Variants in EIF4E3 observed in about 807,000 individuals in gnomAD.
The protein encoded by EIF4E3 is eukaryotic translation initiation factor 4E type 3.
A neutral mutation model predicts 31.7 loss-of-function variants in EIF4E3; 26 were observed. That is an observed-to-expected ratio of 0.82 (90% confidence interval 0.60 to 1.14). The LOEUF is 1.14. Ranked by LOEUF, EIF4E3 falls within the 50% of genes most tolerant of loss-of-function variation. The pLI, the probability that EIF4E3 is intolerant of heterozygous loss-of-function variation, is 0.00. For synonymous variants in EIF4E3, 128 were observed against 107.7 expected, an observed-to-expected ratio of 1.19 and a Z score of -1.17; for missense variants, 304 against 270.9, an observed-to-expected ratio of 1.12 and a Z score of -0.86.
chr3:71,724,398 A>G (rs2049596420), intron 1 of EIF4E3, among the ~76,000 whole-genome samples: 1 of 152,230 alleles, frequency 6.6e-6, no homozygotes, highest in African/African-American at 2.4e-5. Context: ...TATATAATAA[A>G]ATCCAGCTGC....
At chr3:71,721,894 T>G (rs940833557) in intron 1 of EIF4E3, among the ~76,000 whole-genome samples, 1 of 152,098 alleles carries the variant, frequency 6.6e-6, no homozygotes, top group African/African-American at 2.4e-5. Context: ...CAAGCACTGA[T>G]GGAGGTGAGA....
chr3:71,680,634 T>C lies in EIF4E3; in HGVS notation c.*4048A>G, dbSNP rs1300361969. The stretch of plus-strand genomic sequence containing the variant: ...ATAATCTGACATGAAAGGAATCTAT[T>C]TGGGATTTCTTCTTGGGAGAAGTAG... On this transcript the variant is annotated 3_prime_UTR_variant, in exon 7 of 7. Transcript: ENST00000425534. 6.6e-6 allele frequency: 1 copy of C among 152,166 alleles called. No individual in the cohort carries two copies. Among genetic ancestry groups the C allele is most frequent in the Non-Finnish European group, 1.5e-5 (1 of 68,022 alleles). 9.4% of individuals were successfully genotyped at this position (152,166 alleles called of 1,614,324 possible).
chr3:71,716,445 G>A (rs921167288), intron 1 of EIF4E3, among the ~76,000 whole-genome samples: 15 of 152,140 alleles, frequency 9.9e-5, no homozygotes, highest in Non-Finnish European at 1.3e-4. Context: ...GTGTTAGCCA[G>A]GATGGTCTCG....
At chr3:71,686,018 G>A (rs1266484282) in intron 6 of EIF4E3, among the ~76,000 whole-genome samples, 6 of 152,120 alleles carry the variant, frequency 3.9e-5, no homozygotes, top group Non-Finnish European at 7.3e-5. Context: ...TTGCTGCTCT[G>A]TCACCCAGGT....
intron 1 of EIF4E3, among the ~76,000 whole-genome samples, chr3:71,739,789 T>C (rs1004411193): frequency 1.1e-4 from 17 of 152,152 alleles, no homozygotes; most frequent in African/African-American, 4.1e-4. Flanking sequence ...CAAAGGGCAC[T>C]GGAAATGATA....
chr3:71,725,354 G>C lies in EIF4E3; in HGVS notation c.14C>G (p.Pro5Arg), dbSNP rs2049619492. The change falls in exon 1 of 7, where the codon CCG becomes CGG. Residue 5 changes from proline to arginine, a missense_variant. By Grantham distance (103) the Pro-to-Arg change is moderately radical (BLOSUM62 -2). Transcript: ENST00000425534. This position sits in a 1 kb window ranked among gnomAD's most constrained non-coding sequence, Gnocchi z 6.1. MALP[P>R]AAAPPAGARE... ...GGCCCCGGCGGGGGGCGCGGCGGCC[G>C]GGGGCAGCGCCATTTTCTCCGCCCC... is the stretch of plus-strand genomic sequence containing the variant. 3.1e-6 allele frequency: 3 copies of C among 974,164 alleles called. No homozygotes were observed. The highest frequency in any genetic ancestry group is 4.6e-5 in the South Asian group (1 of 21,770). 60.3% of individuals were successfully genotyped at this position (974,164 alleles called of 1,614,324 possible).
At chr3:71,688,881 C>G (rs2049027054) in intron 6 of EIF4E3, among the ~76,000 whole-genome samples, 1 of 152,226 alleles carries the variant, frequency 6.6e-6, no homozygotes, top group Non-Finnish European at 1.5e-5. Flanking sequence ...AGTGCCAGAT[C>G]AGTCCCACTG....
the EIF4E3 span, among the ~76,000 whole-genome samples, chr3:71,663,298 T>A: frequency 6.6e-6 from 1 of 152,180 alleles, no homozygotes; most frequent in Non-Finnish European, 1.5e-5. Context: ...TCGGGGAAAT[T>A]TTTTACCTTG....
intron 2 of EIF4E3, among the ~76,000 whole-genome samples, chr3:71,702,797 A>G (rs2049236803): frequency 6.6e-6 from 1 of 152,026 alleles, no homozygotes. Flanking sequence ...CAATAGGTAG[A>G]ATATTTGTGA....
rs1326736533 is a variant in EIF4E3, at chr3:71,736,178, C to T, written c.-290-7555G>A. Among the ~76,000 whole-genome samples the T allele has an allele frequency of 6.6e-5, 10 of 152,318 alleles. No homozygotes were observed. The East Asian group carries it at 1.9e-3, about 29-fold the overall frequency. On this transcript the variant is annotated intron_variant, in intron 1 of 7. Coordinates refer to the EIF4E3 transcript ENST00000295612. The stretch of plus-strand genomic sequence containing the variant: ...AAATGCTGGTGAGGATGTGGAGCAA[C>T]AGGAACTCTCGCTCAATGCTAGTAA...
At position 71,722,179 on chromosome 3, in the gene EIF4E3, T is replaced by C. The variant is rs6767342; in HGVS notation, c.176+3013A>G. Among the ~76,000 whole-genome samples, 1,442 of 152,288 alleles carry C rather than the reference T, an allele frequency of 9.5e-3. 28 individuals are homozygous for C. Among genetic ancestry groups the C allele is most frequent in the African/African-American group, 0.033 (1,388 of 41,532 alleles). On this transcript the variant is annotated intron_variant, in intron 1 of 6. Coordinates refer to ENST00000425534, the MANE Select transcript of EIF4E3 (RefSeq NM_001134651.2). ...GAAGGATAGACTTGCTCTTAACTGC[T>C]CTTATCTGAGATACAGATAGAAGGA...
intron 2 of EIF4E3, among the ~76,000 whole-genome samples, chr3:71,707,188 C>A (rs577173839): frequency 1.3e-5 from 2 of 152,176 alleles, no homozygotes; most frequent in Non-Finnish European, 2.9e-5. Flanking sequence ...GGCTTTTTAC[C>A]TCATTGTATC....
intron 1 of EIF4E3, among the ~76,000 whole-genome samples, chr3:71,717,044 T>A (rs947538415): frequency 6.6e-6 from 1 of 152,244 alleles, no homozygotes; most frequent in African/African-American, 2.4e-5. Flanking sequence ...GGCTATCTTT[T>A]ATCAGACCAC....
chr3:71,697,869 A>G (rs933826200), intron 3 of EIF4E3, among the ~76,000 whole-genome samples: 1 of 152,238 alleles, frequency 6.6e-6, no homozygotes, highest in African/African-American at 2.4e-5. Context: ...GTACTACAAT[A>G]AACATGGAAG....
At position 71,679,653 on chromosome 3, in the gene EIF4E3, T is replaced by A. The variant is rs536520942; in HGVS notation, c.*5029A>T. The A allele has an allele frequency of 1.3e-5, 2 of 152,338 alleles. No individual in the cohort carries two copies. The highest frequency in any genetic ancestry group is 4.8e-5 in the African/African-American group (2 of 41,576). 9.4% of individuals were successfully genotyped at this position (152,338 alleles called of 1,614,324 possible). ...TACTGACTTTGCAATGACTTTTGCT[T>A]ATCACTCACATCGTTTAGGGAATAC... On this transcript the variant is annotated 3_prime_UTR_variant, in exon 7 of 7. Coordinates refer to ENST00000425534, the MANE Select transcript of EIF4E3 (RefSeq NM_001134651.2).
chr3:71,664,371 C>G, the EIF4E3 span, among the ~76,000 whole-genome samples: 1 of 151,938 alleles, frequency 6.6e-6, no homozygotes, highest in Admixed American at 6.6e-5. Context: ...GTTTTGTCAC[C>G]CAGAATCAAT....
chr3:71,685,371 T>TA (rs1421836102), intron 6 of EIF4E3, among the ~76,000 whole-genome samples: 17 of 152,168 alleles, frequency 1.1e-4, no homozygotes, highest in Non-Finnish European at 1.5e-4. Flanking sequence ...TATATATATA[T>TA]TTTTTTGAGA....
At chr3:71,687,549 T>C (rs1458348067) in intron 6 of EIF4E3, among the ~76,000 whole-genome samples, 1 of 152,202 alleles carries the variant, frequency 6.6e-6, no homozygotes, top group African/African-American at 2.4e-5. Context: ...GAGGGCAGAT[T>C]TGGGCTCCAG....
chr3:71,702,813 G>C (rs749869191), intron 2 of EIF4E3, among the ~76,000 whole-genome samples: 1 of 151,532 alleles, frequency 6.6e-6, no homozygotes, highest in Non-Finnish European at 1.5e-5. Flanking sequence ...TGTGAAGTAT[G>C]TCTGCTGGTG....
Sources: allele counts gnomAD v4.1 joint callset (sites outside exome capture counted in the v4.1 genomes callset), GRCh38; gene constraint gnomAD v4.1.1; non-coding constraint Gnocchi (gnomAD v3.1); transcripts MANE v1.5; gene names NCBI Gene and HGNC (gene_info 2026-07-23, HGNC 2026-07-21).